SORBS3: variants seen among roughly 807,000 people sequenced by gnomAD.
SORBS3 encodes sorbin and SH3 domain containing 3.
In SORBS3, 69 loss-of-function variants were observed where a neutral mutation model predicts 98.0. That is an observed-to-expected ratio of 0.70 (90% CI 0.58 to 0.86). The LOEUF (loss-of-function observed/expected upper bound fraction) is 0.86. Ranked by LOEUF, SORBS3 falls within the 40% of genes least tolerant of loss-of-function variation. The probability of loss-of-function intolerance (pLI) is 0.00; values close to 1 mark genes in which losing one functional copy is unlikely to be tolerated. For synonymous variants in SORBS3, 394 were observed against 355.4 expected (o/e 1.11, Z -1.22); for missense variants, 954 against 908.5 (o/e 1.05, Z -0.64).
upstream of SORBS3, among the ~76,000 whole-genome samples, chr8:22,550,716 A>T (rs1370690668): frequency 1.3e-5 from 2 of 152,176 alleles, no homozygotes; most frequent in Non-Finnish European, 2.9e-5. Flanking sequence ...AACACTCCAA[A>T]ACTCCTCGTG....
chr8:22,556,628 G>A (rs552722048), intron 3 of SORBS3, 87 bp from the exon 4 acceptor site: 753 of 1,194,976 alleles, frequency 6.3e-4, no homozygotes, highest in Non-Finnish European at 8.5e-4. Context: ...AACCCACAGA[G>A]ATCCATGCTC....
intron 10 of SORBS3, 67 bp from the exon 11 acceptor site, chr8:22,565,201 C>T (rs1840379924): frequency 2.0e-6 from 3 of 1,493,486 alleles, no homozygotes; most frequent in African/African-American, 2.8e-5. Flanking sequence ...CACAGTCGAT[C>T]TTTGACCGCT....
At chr8:22,570,175 T>C (rs535960585) in intron 17 of SORBS3, among the ~76,000 whole-genome samples, 1 of 152,112 alleles carries the variant, frequency 6.6e-6, no homozygotes, top group Admixed American at 6.5e-5. Flanking sequence ...AGACGGCCCA[T>C]AGTGAATGCC....
At position 22,568,820 on chromosome 8, in the gene SORBS3, C is replaced by A. The variant is rs12680243; in HGVS notation, c.1306-328C>A. Among the ~76,000 whole-genome samples, 614 of 152,268 alleles carry A rather than the reference C, an allele frequency of 4.0e-3. 6 individuals are homozygous for A. The highest frequency in any genetic ancestry group is 0.036 in the East Asian group (185 of 5,180). ...CCCAAGTTCCCCTTGCTGCTTGGAACGCCTCATTTTCTTCTGTGGTCCAAC... is the reference window on the plus strand; with the variant it reads ...CCCAAGTTCCCCTTGCTGCTTGGAAAGCCTCATTTTCTTCTGTGGTCCAAC... On this transcript the variant is annotated intron_variant, in intron 16 of 20. Coordinates refer to ENST00000240123, the MANE Select transcript of SORBS3 (RefSeq NM_005775.5).
At chr8:22,551,755 C>T (rs934941750), upstream of SORBS3, 594 of 985,200 alleles carry the variant, frequency 6.0e-4, no homozygotes, top group Admixed American at 2.5e-3. The surrounding 1 kb of genome is among the most constrained non-coding windows in gnomAD (Gnocchi z 5.8). Context: ...CCAGCCCCGG[C>T]CCGCAGTCCA....
In SORBS3 at chr8:22,565,658, C is replaced by T. The variant is rs575112171; in HGVS notation, c.904-168C>T. 40 of 1,202,082 alleles carry T rather than the reference C, an allele frequency of 3.3e-5. No homozygotes were observed. In the Admixed American group the frequency reaches 8.4e-4, roughly 25 times the overall value. The allele number at this position is 1,202,082 out of a possible 1,614,324, so 74.5% of individuals were successfully genotyped here. On this transcript the variant is annotated intron_variant, in intron 11 of 20. Transcript: ENST00000240123. ...CAGCCTCGGGGACCCCCGCCCCTTCCCCTAGTTCCCGCCCCGCTCCCGGGA... is the reference window on the plus strand; with the variant it reads ...CAGCCTCGGGGACCCCCGCCCCTTCTCCTAGTTCCCGCCCCGCTCCCGGGA...
intron 5 of SORBS3, among the ~76,000 whole-genome samples, chr8:22,558,561 C>CT (rs1840231755): frequency 7.5e-6 from 1 of 133,654 alleles, no homozygotes; most frequent in Admixed American, 7.4e-5. Flanking sequence ...GCAGCCAACC[C>CT]TGGGGGTGCC....
Position 22,566,682 on chromosome 8 carries a change from G to T in SORBS3, c.1112G>T (p.Gly371Val), listed in dbSNP as rs768625278. 6.2e-7 allele frequency: 1 copy of T among 1,609,400 alleles called. No individual in the cohort carries two copies. Among genetic ancestry groups the T allele is most frequent in the Admixed American group, 1.7e-5 (1 of 58,148 alleles). The change falls in exon 14 of 21, where the codon GGG (glycine) becomes GTG (valine). Residue 371 changes from glycine (G) to valine (V), a missense_variant. By Grantham distance (109) the Gly-to-Val change is moderately radical. Coordinates refer to ENST00000240123, the MANE Select transcript of SORBS3 (RefSeq NM_005775.5). ...ACAGACCCTAGTGCCTCTAACGGAG[G>T]GGGCAGCCCAGCCAGGAGGGAAGAG... ...STRDPSASNG[G>V]GSPARREEKK... is the part of the protein sequence containing the mutation.
upstream of SORBS3, among the ~76,000 whole-genome samples, chr8:22,549,092 G>A (rs973134989): frequency 3.9e-5 from 6 of 152,238 alleles, no homozygotes; most frequent in Non-Finnish European, 4.4e-5. Context: ...CTGGGATCAG[G>A]TAGCTGGGAA....
rs10104875 is a variant in SORBS3, at chr8:22,558,060, G to A, written c.415-69G>A. 0.021 allele frequency: 32,072 copies of A among 1,536,482 alleles called. 2,740 individuals are homozygous for A. In the African/African-American group the frequency reaches 0.24, roughly 12 times the overall value. Reference sequence around the variant, plus strand: ...CCAGAGAAGGGACTCACTAGGGAAAGATTTTTGTGGCTTGAAATTGGGAGG... The same window carrying A: ...CCAGAGAAGGGACTCACTAGGGAAAAATTTTTGTGGCTTGAAATTGGGAGG... On this transcript the variant is annotated intron_variant, in intron 4 of 20. Coordinates refer to ENST00000240123, the MANE Select transcript of SORBS3 (RefSeq NM_005775.5).
rs1840424709 is a variant in SORBS3 at position 22,566,466 on chromosome 8, T to C, written c.1072T>C (p.Tyr358His). 1 of 1,613,770 alleles carries C rather than the reference T, an allele frequency of 6.2e-7. No individual in the cohort carries two copies. Among genetic ancestry groups the C allele is most frequent in the Admixed American group, 1.7e-5 (1 of 59,994 alleles). ...SPFLGRRDFV[Y>H]PSSTRDPSAS... Reference sequence around the variant, plus strand: ...CTTCCTAGGTCGGAGGGACTTTGTCTACCCTTCCTCAACCCGAGGTAAGGA... The same window carrying C: ...CTTCCTAGGTCGGAGGGACTTTGTCCACCCTTCCTCAACCCGAGGTAAGGA... The change falls in exon 13 of 21, where the codon TAC becomes CAC. Residue 358 changes from tyrosine (Y) to histidine (H), a missense_variant. Transcript: ENST00000240123.
At position 22,571,813 on chromosome 8, in the gene SORBS3, C is replaced by T. The variant is rs932564507; in HGVS notation, c.1839C>T (p.His613=). ...CCTCTCCTAACACCTCTCAGATACA[C>T]TGGACCCCGTGAGTACCATCTGAGG... ...GTSSPNTSQI[H]WTPYRAMYQY... Residue 613 remains histidine, a synonymous_variant, in exon 19 of 21, where the codon CAC becomes CAT. Transcript: ENST00000240123. The T allele has an allele frequency of 3.7e-6, 6 of 1,609,570 alleles. No individual in the cohort carries two copies. The highest frequency in any genetic ancestry group is 5.1e-6 in the Non-Finnish European group (6 of 1,175,988).
intron 19 of SORBS3, 81 bp downstream of exon 19, chr8:22,571,902 G>C (rs1840597374): frequency 2.0e-6 from 2 of 1,002,950 alleles, no homozygotes; most frequent in Non-Finnish European, 3.2e-6. Flanking sequence ...CCTCCCCCAA[G>C]TCCCCACCTG....
At chr8:22,558,282 T>C (rs1297038484) in intron 5 of SORBS3, 90 bp downstream of exon 5, 1 of 1,226,770 alleles carries the variant, frequency 8.2e-7, no homozygotes, top group Non-Finnish European at 1.2e-6. Flanking sequence ...GGGACTTAGC[T>C]GCTCAAGGGG....
At position 22,554,634 on chromosome 8, in the gene SORBS3, T is replaced by G; in HGVS notation, c.102+26T>G. On this transcript the variant is annotated intron_variant, in intron 2 of 20. Coordinates refer to ENST00000240123, the MANE Select transcript of SORBS3 (RefSeq NM_005775.5). The surrounding 1 kb of genome is among the most constrained non-coding windows in gnomAD (Gnocchi z 6.5). ...GTGAGTGAGTCAGTAGGGAGGAGGG[T>G]GTCCTGCGGGCCCGGAGTTGGTTGG... is the stretch of plus-strand genomic sequence containing the variant. 1 of 1,598,356 alleles carries G rather than the reference T, an allele frequency of 6.3e-7. No homozygotes were observed. Among genetic ancestry groups the G allele is most frequent in the East Asian group, 2.3e-5 (1 of 44,246 alleles).
chr8:22,558,084 G>A (rs762800052), intron 4 of SORBS3, 45 bp from the exon 5 acceptor site: 2 of 1,593,658 alleles, frequency 1.3e-6, no homozygotes, highest in Non-Finnish European at 8.6e-7. Flanking sequence ...GAAATTGGGA[G>A]GGTGAATAAG....
intron 20 of SORBS3, chr8:22,573,550 AT>A: frequency 2.5e-6 from 1 of 400,964 alleles, no homozygotes; most frequent in Admixed American, 2.9e-5. Flanking sequence ...AGTGGTGCCC[AT>A]TTTAGTTAGT....
intron 17 of SORBS3, among the ~76,000 whole-genome samples, chr8:22,570,359 T>C (rs1178061398): frequency 1.3e-5 from 2 of 151,940 alleles, no homozygotes; most frequent in Non-Finnish European, 2.9e-5. Context: ...TCCTGGGGAG[T>C]GTGTTTTTGA....
At chr8:22,563,124 A>C (rs1840330936) in intron 7 of SORBS3, among the ~76,000 whole-genome samples, 1 of 152,172 alleles carries the variant, frequency 6.6e-6, no homozygotes, top group Admixed American at 6.5e-5. Flanking sequence ...GTATCAAAAA[A>C]AAAAAAAATT....
Sources: gnomAD v4.1 joint callset for allele counts (sites outside exome capture counted in the v4.1 genomes callset) on GRCh38, gnomAD v4.1.1 for gene constraint, Gnocchi (gnomAD v3.1) non-coding constraint, MANE v1.5 for transcripts, NCBI Gene and HGNC (gene_info 2026-07-23, HGNC 2026-07-21) for gene names.